The following EXOC4 variants were observed in gnomAD, a reference collection of about 807,000 sequenced individuals.
The protein encoded by EXOC4 is SEC8-like 1.
In EXOC4, 71 loss-of-function variants were observed where a neutral mutation model predicts 107.2. The ratio of observed to expected loss-of-function variants is 0.66; its 90% CI spans 0.55 to 0.81. The LOEUF is 0.81. EXOC4 is among the 30% of genes least tolerant of loss of function. EXOC4 has a pLI of 0.00. For missense variants in EXOC4, 1,108 were observed against 1,189.6 expected, an observed-to-expected ratio of 0.93 and a Z score of 1.01; for synonymous variants, 456 against 441.2, an observed-to-expected ratio of 1.03 and a Z score of -0.42.
intron 13 of EXOC4, among the ~76,000 whole-genome samples, chr7:133,926,029 C>G (rs1238877089): frequency 2.6e-5 from 3 of 114,826 alleles, no homozygotes; most frequent in African/African-American, 3.7e-5. Flanking sequence ...GGCAACAGAG[C>G]AAGACTCCGT....
intron 10 of EXOC4, among the ~76,000 whole-genome samples, chr7:133,773,035 G>A (rs1796276046): frequency 6.6e-6 from 1 of 151,972 alleles, no homozygotes; most frequent in African/African-American, 2.4e-5. Flanking sequence ...GCAACCTTAC[G>A]TTGCCTTCTG....
At chr7:133,665,818 C>A (rs1793797648) in intron 10 of EXOC4, among the ~76,000 whole-genome samples, 1 of 152,086 alleles carries the variant, frequency 6.6e-6, no homozygotes, top group Non-Finnish European at 1.5e-5. Context: ...GTTAATCCAG[C>A]CAGAACCTTC....
chr7:133,984,709 T>A (rs1399006529), intron 14 of EXOC4, among the ~76,000 whole-genome samples: 1 of 152,146 alleles, frequency 6.6e-6, no homozygotes, highest in Non-Finnish European at 1.5e-5. Context: ...AGATGAAATG[T>A]GCTAAGTCCG....
At chr7:133,699,641 GCAAA>G (rs1794613518) in intron 10 of EXOC4, among the ~76,000 whole-genome samples, 1 of 152,268 alleles carries the variant, frequency 6.6e-6, no homozygotes, top group Admixed American at 6.5e-5. Context: ...CTGTTGTCAA[GCAAA>G]CATGCATGAG....
chr7:133,709,701 ACT>A (rs1794844958), intron 10 of EXOC4, among the ~76,000 whole-genome samples: 5 of 135,624 alleles, frequency 3.7e-5, no homozygotes, highest in Admixed American at 1.6e-4. Flanking sequence ...CGTCGTGAAG[ACT>A]CTGTGGCTTT....
intron 7 of EXOC4, among the ~76,000 whole-genome samples, chr7:133,437,865 T>G (rs1302176719): frequency 2.0e-5 from 3 of 152,312 alleles, no homozygotes; most frequent in South Asian, 4.1e-4. Context: ...AAAGACAAAT[T>G]AAAAAGAATT....
chr7:133,871,183 G>A (rs148266263), intron 11 of EXOC4, among the ~76,000 whole-genome samples: 1 of 151,844 alleles, frequency 6.6e-6, no homozygotes, highest in African/African-American at 2.4e-5. Context: ...TGATAGCAGA[G>A]TTATTATACC....
rs768718856 is a variant in EXOC4 at position 133,895,556 on chromosome 7, G to A, written c.1735-43G>A. ...GTTGTCCTTCCTTGTCCAACACATT[G>A]ACTACAGAAATCTCATATCCTCTCT... is the stretch of plus-strand genomic sequence containing the variant. On this transcript the variant is annotated intron_variant, in intron 11 of 17. Transcript: ENST00000253861. The A allele has an allele frequency of 2.5e-6, 4 of 1,597,446 alleles. No individual in the cohort carries two copies. In the South Asian group the frequency reaches 4.5e-5, roughly 18 times the overall value.
intron 9 of EXOC4, among the ~76,000 whole-genome samples, chr7:133,591,558 G>A (rs1204860814): frequency 6.6e-5 from 3 of 45,378 alleles, no homozygotes; most frequent in African/African-American, 1.1e-4. Context: ...GTGTGTGTGT[G>A]TGTGTGTGTG....
chr7:133,400,330 T>G (rs1797061769), intron 7 of EXOC4, among the ~76,000 whole-genome samples: 1 of 152,170 alleles, frequency 6.6e-6, no homozygotes, highest in South Asian at 2.1e-4. Context: ...TGGCAGATAT[T>G]TATCAGTTGC....
intron 5 of EXOC4, among the ~76,000 whole-genome samples, chr7:133,335,258 A>G (rs1795486629): frequency 6.6e-6 from 1 of 152,184 alleles, no homozygotes; most frequent in Non-Finnish European, 1.5e-5. Flanking sequence ...CTAAGTAGAC[A>G]GTTCAGTGGT....
intron 10 of EXOC4, among the ~76,000 whole-genome samples, chr7:133,744,390 T>C (rs1302125386): frequency 6.6e-6 from 1 of 151,620 alleles, no homozygotes; most frequent in Non-Finnish European, 1.5e-5. Flanking sequence ...TCCAGGAGAG[T>C]CTGATTTAAA....
At chr7:133,534,452 G>A (rs1011413929) in intron 9 of EXOC4, among the ~76,000 whole-genome samples, 6 of 152,112 alleles carry the variant, frequency 3.9e-5, no homozygotes, top group Non-Finnish European at 8.8e-5. Flanking sequence ...TGTCACATTA[G>A]CAGCAAATCT....
At chr7:133,636,827 G>A (rs1252120146) in intron 10 of EXOC4, among the ~76,000 whole-genome samples, 1 of 152,222 alleles carries the variant, frequency 6.6e-6, no homozygotes, top group Non-Finnish European at 1.5e-5. Context: ...ATCTAGGTCA[G>A]TTAAGAAGAT....
chr7:133,547,575 C>T (rs1173174193), intron 9 of EXOC4, among the ~76,000 whole-genome samples: 2 of 152,210 alleles, frequency 1.3e-5, no homozygotes, highest in Non-Finnish European at 2.9e-5. Context: ...AGTCAATCCC[C>T]TCAAACGCTG....
intron 10 of EXOC4, among the ~76,000 whole-genome samples, chr7:133,724,538 A>T (rs774858993): frequency 3.9e-5 from 6 of 152,204 alleles, no homozygotes; most frequent in Non-Finnish European, 7.3e-5. Flanking sequence ...TATATTAGTG[A>T]CAAAACAGAA....
At chr7:133,631,033 A>G (rs972215453) in intron 10 of EXOC4, among the ~76,000 whole-genome samples, 35 of 152,200 alleles carry the variant, frequency 2.3e-4, no homozygotes, top group Admixed American at 2.2e-3. Context: ...TGTATGGTAC[A>G]TTTAAAAAAG....
At chr7:133,468,387 T>C (rs550539178) in intron 7 of EXOC4, among the ~76,000 whole-genome samples, 61 of 152,278 alleles carry the variant, frequency 4.0e-4, no homozygotes, top group African/African-American at 1.4e-3. Context: ...ATTAGACTGC[T>C]CTATTGAAAA....
At chr7:133,792,465 A>T (rs967724362) in intron 10 of EXOC4, among the ~76,000 whole-genome samples, 3 of 139,108 alleles carry the variant, frequency 2.2e-5, no homozygotes, top group Admixed American at 7.9e-5. Context: ...AAGTGGGAGG[A>T]TTGCTTGAGC....
Sources: gnomAD v4.1 joint callset for allele counts (sites outside exome capture counted in the v4.1 genomes callset) on GRCh38, gnomAD v4.1.1 for gene constraint, MANE v1.5 for transcripts, NCBI Gene and HGNC (gene_info 2026-07-23, HGNC 2026-07-21) for gene names.